The following KIF13B variants were observed in gnomAD, a reference collection of about 807,000 sequenced individuals.
KIF13B encodes kinesin family member 13B, also known as kinesin-like protein KIF13B.
In KIF13B, 127 loss-of-function variants were observed where a neutral mutation model predicts 222.0. The observed-to-expected ratio is 0.57, with a 90% confidence interval of 0.50 to 0.66. KIF13B has a LOEUF of 0.66. Ranked by LOEUF, KIF13B falls within the 30% of genes least tolerant of loss-of-function variation. The pLI, the probability that KIF13B is intolerant of heterozygous loss-of-function variation, is 0.00. For missense variants in KIF13B, 2,173 were observed against 2,379.0 expected, an observed-to-expected ratio of 0.91 and a Z score of 1.80; for synonymous variants, 976 against 919.0, an observed-to-expected ratio of 1.06 and a Z score of -1.12.
At position 29,151,920 on chromosome 8, in the gene KIF13B, C is replaced by CAA. The variant is rs1172359356; in HGVS notation, c.1536-1539_1536-1538dup. On this transcript the variant is annotated intron_variant, in intron 14 of 39. Coordinates refer to ENST00000524189, the MANE Select transcript of KIF13B (RefSeq NM_015254.4). ...CAGTGATTCTTCTAATGGATCTTGG[C>CAA]AAAGTAAGTTAAAAACCTTCTGGAA... Among the ~76,000 whole-genome samples the CAA allele has an allele frequency of 4.6e-5, 7 of 152,172 alleles. No individual in the cohort carries two copies. In the East Asian group the frequency reaches 1.4e-3, roughly 29 times the overall value.
At chr8:29,103,599 T>C (rs1586780793) in intron 35 of KIF13B, among the ~76,000 whole-genome samples, 1 of 152,264 alleles carries the variant, frequency 6.6e-6, no homozygotes, top group South Asian at 2.1e-4. Flanking sequence ...GCATTTGGAA[T>C]AGTTAACAAA....
At chr8:29,127,301 AGT>A in intron 24 of KIF13B, 33 bp from the exon 25 acceptor site, 1 of 1,594,720 alleles carries the variant, frequency 6.3e-7, no homozygotes, top group South Asian at 1.1e-5. Flanking sequence ...TCTTAAAATC[AGT>A]GTCTTGATTT....
intron 24 of KIF13B, among the ~76,000 whole-genome samples, chr8:29,127,681 A>C (rs1048385188): frequency 6.6e-6 from 1 of 152,236 alleles, no homozygotes; most frequent in Non-Finnish European, 1.5e-5. Flanking sequence ...TTTACGAAAC[A>C]ATTTCATACA....
intron 1 of KIF13B, among the ~76,000 whole-genome samples, chr8:29,258,383 A>G (rs1816562412): frequency 6.6e-6 from 1 of 152,130 alleles, no homozygotes; most frequent in Non-Finnish European, 1.5e-5. Flanking sequence ...GAAGCTTCCA[A>G]TCTTGCTTTG....
At chr8:29,073,498 C>T (rs1470069234) in intron 38 of KIF13B, among the ~76,000 whole-genome samples, 1 of 152,204 alleles carries the variant, frequency 6.6e-6, no homozygotes, top group Non-Finnish European at 1.5e-5. Context: ...GCCAGATCAT[C>T]TTTCTATTCC....
intron 2 of KIF13B, 66 bp from the exon 3 acceptor site, chr8:29,196,265 G>A: frequency 4.0e-6 from 5 of 1,263,332 alleles, no homozygotes; most frequent in South Asian, 1.4e-5. Context: ...AAAAAATTTA[G>A]TTTAGAAGAC....
intron 2 of KIF13B, among the ~76,000 whole-genome samples, chr8:29,241,414 T>G (rs1001620105): frequency 6.6e-6 from 1 of 152,238 alleles, no homozygotes; most frequent in African/African-American, 2.4e-5. Flanking sequence ...ATAAATCTTT[T>G]AAAAAATAAA....
chr8:29,183,869 T>A (rs914555972), intron 6 of KIF13B, among the ~76,000 whole-genome samples: 1 of 152,122 alleles, frequency 6.6e-6, no homozygotes, highest in African/African-American at 2.4e-5. Context: ...ATATAATGAA[T>A]GACTAGCACA....
chr8:29,123,922 T>C (rs1809991586), intron 27 of KIF13B, 102 bp downstream of exon 27: 1 of 702,364 alleles, frequency 1.4e-6, no homozygotes, highest in East Asian at 2.7e-5. Context: ...TCCCCATTAC[T>C]GATGTGTTCA....
At chr8:29,141,988 T>C (rs1810837771) in intron 19 of KIF13B, among the ~76,000 whole-genome samples, 169 bp downstream of exon 19, 1 of 152,174 alleles carries the variant, frequency 6.6e-6, no homozygotes, top group South Asian at 2.1e-4. Flanking sequence ...AGAGAGATTA[T>C]TAAAATTGTT....
At chr8:29,260,179 TA>T (rs1379162343) in intron 1 of KIF13B, among the ~76,000 whole-genome samples, 1 of 152,168 alleles carries the variant, frequency 6.6e-6, no homozygotes, top group Non-Finnish European at 1.5e-5. Context: ...GCAGAAAGAC[TA>T]AAATACTCTC....
Position 29,150,462 on chromosome 8 carries a change from T to C in KIF13B, c.1536-79A>G, listed in dbSNP as rs150382929. ...CTTTAATTTCCCAATAACATAGAGA[T>C]ATAGTTACTAGGGAAAACAATAATT... On this transcript the variant is annotated intron_variant, in intron 14 of 39. Transcript: ENST00000524189. The C allele has an allele frequency of 4.4e-5, 30 of 685,144 alleles. No individual in the cohort carries two copies. The African/African-American group carries it at 5.0e-4, about 11-fold the overall frequency. The allele number at this position is 685,144 out of a possible 1,614,324, so 42.4% of individuals were successfully genotyped here.
intron 2 of KIF13B, among the ~76,000 whole-genome samples, chr8:29,235,050 A>G (rs570948033): frequency 6.6e-6 from 1 of 152,368 alleles, no homozygotes; most frequent in South Asian, 2.1e-4. Context: ...CATTATAAAC[A>G]GAATTGTTTA....
chr8:29,173,958 A>AAC (rs1563760741), intron 10 of KIF13B, among the ~76,000 whole-genome samples: 1 of 149,836 alleles, frequency 6.7e-6, no homozygotes, highest in Non-Finnish European at 1.5e-5. Flanking sequence ...AAAAAAAAAA[A>AAC]CTCATTTGGT....
chr8:29,077,082 G>T (rs1268345211), intron 37 of KIF13B, among the ~76,000 whole-genome samples: 1 of 152,216 alleles, frequency 6.6e-6, no homozygotes, highest in Non-Finnish European at 1.5e-5. Flanking sequence ...CTGAGGCCCA[G>T]GACAGCTAGG....
chr8:29,144,463 G>A (rs1013368495), intron 18 of KIF13B, among the ~76,000 whole-genome samples: 4 of 151,980 alleles, frequency 2.6e-5, no homozygotes, highest in Admixed American at 6.6e-5. Flanking sequence ...TCATCATATT[G>A]GCCAGGCTGG....
chr8:29,090,569 G>C (rs1242642561), intron 37 of KIF13B, among the ~76,000 whole-genome samples: 1 of 152,110 alleles, frequency 6.6e-6, no homozygotes, highest in African/African-American at 2.4e-5. Flanking sequence ...GTGGGCAAGG[G>C]GGAGCTCCCT....
At chr8:29,082,315 A>G (rs770102704) in intron 37 of KIF13B, among the ~76,000 whole-genome samples, 4 of 152,246 alleles carry the variant, frequency 2.6e-5, no homozygotes, top group Non-Finnish European at 5.9e-5. Flanking sequence ...GATATGTATT[A>G]TAGTCTAACT....
intron 21 of KIF13B, among the ~76,000 whole-genome samples, chr8:29,137,970 T>C (rs1372344063): frequency 1.3e-5 from 2 of 152,182 alleles, no homozygotes; most frequent in Non-Finnish European, 2.9e-5. Context: ...ACACCAAATA[T>C]GGTTAAGTCC....
Sources: gnomAD v4.1 joint callset for allele counts (sites outside exome capture counted in the v4.1 genomes callset) on GRCh38, gnomAD v4.1.1 for gene constraint, MANE v1.5 for transcripts, NCBI Gene and HGNC (gene_info 2026-07-23, HGNC 2026-07-21) for gene names.